Variants in GPC5 observed in about 807,000 individuals in gnomAD.
GPC5 encodes the protein glypican 5, also known as glypican-5.
GPC5 carries 47 observed loss-of-function variants against 53.9 expected under a neutral mutation model. The ratio of observed to expected loss-of-function variants is 0.87; its 90% CI spans 0.69 to 1.11. GPC5 has a LOEUF of 1.11. Among genes scored for constraint, GPC5 ranks in the 50% most tolerant of loss-of-function variants. The pLI, the probability that GPC5 is intolerant of heterozygous loss-of-function variation, is 0.00. For synonymous variants in GPC5, 286 were observed against 263.3 expected (o/e 1.09, Z -0.84); for missense variants, 748 against 713.1 (o/e 1.05, Z -0.56).
At chr13:92,608,532 G>C (rs1309050444) in intron 7 of GPC5, among the ~76,000 whole-genome samples, 2 of 152,152 alleles carry the variant, frequency 1.3e-5, no homozygotes, top group Admixed American at 1.3e-4. Context: ...AAACTTAAAT[G>C]CATGTAAGGG....
chr13:92,178,432 A>G (rs2042123591), intron 7 of GPC5, among the ~76,000 whole-genome samples: 1 of 150,098 alleles, frequency 6.7e-6, no homozygotes, highest in Non-Finnish European at 1.5e-5. Flanking sequence ...ATATTTATAT[A>G]TAACATATAT....
Position 91,657,483 on chromosome 13 carries a change from C to A in GPC5, c.326-35704C>A, listed in dbSNP as rs144234234. On this transcript the variant is annotated intron_variant, in intron 2 of 7. Transcript: ENST00000377067. The stretch of plus-strand genomic sequence containing the variant: ...CACAGCTCAGAGTGGGTTGCGGATT[C>A]TATGGCTATCTAATGGGTAGAGGCC... Among the ~76,000 whole-genome samples, 1,224 of 152,188 alleles carry A rather than the reference C, an allele frequency of 8.0e-3. 15 individuals carry two copies. The highest frequency in any genetic ancestry group is 0.027 in the African/African-American group (1,115 of 41,534).
chr13:91,889,962 A>T (rs1452863013), intron 5 of GPC5, among the ~76,000 whole-genome samples: 4 of 152,308 alleles, frequency 2.6e-5, no homozygotes, highest in African/African-American at 9.6e-5. Context: ...CTCTAATAGA[A>T]CACTGGATTG....
chr13:91,700,611 G>A (rs1396094928), intron 3 of GPC5, among the ~76,000 whole-genome samples: 3 of 152,160 alleles, frequency 2.0e-5, no homozygotes, highest in East Asian at 3.9e-4. Context: ...AGAATGTAAT[G>A]TTGTGAAGAT....
chr13:92,604,398 A>G (rs935412905), intron 7 of GPC5, among the ~76,000 whole-genome samples: 2 of 152,208 alleles, frequency 1.3e-5, no homozygotes, highest in Non-Finnish European at 2.9e-5. Flanking sequence ...AAATAAAATA[A>G]AAGACATAGA....
At chr13:92,000,260 A>ATT (rs5805721) in intron 6 of GPC5, among the ~76,000 whole-genome samples, 4 of 151,514 alleles carry the variant, frequency 2.6e-5, no homozygotes, top group African/African-American at 2.4e-5. Flanking sequence ...TGGTGTGCAT[A>ATT]TTTTTTTTAT....
intron 7 of GPC5, among the ~76,000 whole-genome samples, chr13:92,827,148 G>A (rs897481595): frequency 1.3e-5 from 2 of 152,086 alleles, no homozygotes; most frequent in African/African-American, 4.8e-5. Flanking sequence ...TCATGTGGGG[G>A]AGAGAGAAAG....
At chr13:92,543,726 C>A (rs1462416069) in intron 7 of GPC5, among the ~76,000 whole-genome samples, 1 of 151,874 alleles carries the variant, frequency 6.6e-6, no homozygotes, top group Non-Finnish European at 1.5e-5. Flanking sequence ...GGTTTATTTT[C>A]TATTTTTTTA....
intron 6 of GPC5, among the ~76,000 whole-genome samples, chr13:92,037,480 T>C: frequency 6.6e-6 from 1 of 152,208 alleles, no homozygotes; most frequent in East Asian, 1.9e-4. Context: ...TTCTATATAT[T>C]GACCTTGATT....
At chr13:91,871,809 G>A (rs976437038) in intron 5 of GPC5, among the ~76,000 whole-genome samples, 4 of 151,762 alleles carry the variant, frequency 2.6e-5, no homozygotes. Context: ...AAAATGCATT[G>A]CCATGACGCT....
At chr13:91,882,655 T>G (rs1428751925) in intron 5 of GPC5, among the ~76,000 whole-genome samples, 4 of 144,100 alleles carry the variant, frequency 2.8e-5, no homozygotes, top group African/African-American at 1.0e-4. Flanking sequence ...GGTTTTTTGT[T>G]TGTTTGTTTT....
intron 7 of GPC5, among the ~76,000 whole-genome samples, chr13:92,215,944 G>A (rs1010346850): frequency 6.6e-6 from 1 of 152,142 alleles, no homozygotes; most frequent in African/African-American, 2.4e-5. Flanking sequence ...ATGATTTATA[G>A]GACAGTGCAT....
chr13:92,767,037 C>G (rs1176865355), intron 7 of GPC5, among the ~76,000 whole-genome samples: 1 of 152,124 alleles, frequency 6.6e-6, no homozygotes, highest in East Asian at 1.9e-4. Flanking sequence ...TTGTGGGTCT[C>G]GTGCACTTGT....
At chr13:92,269,096 T>C (rs540276331) in intron 7 of GPC5, among the ~76,000 whole-genome samples, 1 of 152,098 alleles carries the variant, frequency 6.6e-6, no homozygotes, top group Non-Finnish European at 1.5e-5. Context: ...ATAATTACTC[T>C]TATTTTGTCT....
In GPC5 at chr13:91,410,173, G is replaced by T. The variant is rs59620140; in HGVS notation, c.163+10964G>T. ...GGCTTGTCCCTTTTCCCTTTCAGTG[G>T]TTTTTGAGAAGCATGTGGTATTGGG... is the stretch of plus-strand genomic sequence containing the variant. On this transcript the variant is annotated intron_variant, in intron 1 of 7. Coordinates refer to ENST00000377067, the MANE Select transcript of GPC5 (RefSeq NM_004466.6). 9.8e-4 allele frequency among the ~76,000 whole-genome samples: 149 copies of T among 152,130 alleles called. 2 individuals carry two copies. The East Asian group carries it at 0.024, about 25-fold the overall frequency.
chr13:91,737,727 C>T lies in GPC5; in HGVS notation c.1154+9062C>T, dbSNP rs371414582. Among the ~76,000 whole-genome samples the T allele has an allele frequency of 5.7e-4, 87 of 151,416 alleles. 7 individuals carry two copies. The highest frequency in any genetic ancestry group is 1.9e-3 in the African/African-American group (77 of 40,778). ...GATATGGCACCCTAATTTAGAAAAA[C>T]TATTTCAGGTCTTTGTGACAGAGGA... On this transcript the variant is annotated intron_variant, in intron 4 of 7. Coordinates refer to ENST00000377067, the MANE Select transcript of GPC5 (RefSeq NM_004466.6).
chr13:92,822,405 T>C (rs1282274238), intron 7 of GPC5, among the ~76,000 whole-genome samples: 2 of 152,134 alleles, frequency 1.3e-5, no homozygotes, highest in East Asian at 3.9e-4. Context: ...GTTCCCATTT[T>C]AGGTGAAGAA....
At chr13:92,405,745 CTT>C (rs935828267) in intron 7 of GPC5, among the ~76,000 whole-genome samples, 1 of 152,076 alleles carries the variant, frequency 6.6e-6, no homozygotes, top group African/African-American at 2.4e-5. Flanking sequence ...ACTCTCATCT[CTT>C]TTTTGAGTAT....
chr13:91,626,202 G>A (rs962006764), intron 2 of GPC5, among the ~76,000 whole-genome samples: 3 of 152,092 alleles, frequency 2.0e-5, no homozygotes, highest in Non-Finnish European at 4.4e-5. Flanking sequence ...TATACTTCAA[G>A]GTTACTAGCA....
Sources: gnomAD v4.1 joint callset for allele counts (sites outside exome capture counted in the v4.1 genomes callset) on GRCh38, gnomAD v4.1.1 for gene constraint, MANE v1.5 for transcripts, NCBI Gene and HGNC (gene_info 2026-07-23, HGNC 2026-07-21) for gene names.